PPWD1: variants seen among roughly 807,000 people sequenced by gnomAD.
The protein encoded by PPWD1 is peptidylprolyl isomerase domain and WD repeat-containing protein 1.
In PPWD1, 43 loss-of-function variants were observed where a neutral mutation model predicts 68.8. The observed-to-expected ratio is 0.62, with a 90% CI of 0.49 to 0.81. The LOEUF (loss-of-function observed/expected upper bound fraction) is 0.81. Ranked by LOEUF, PPWD1 falls within the 30% of genes least tolerant of loss-of-function variation. The pLI, the probability that PPWD1 is intolerant of heterozygous loss-of-function variation, is 0.00. For missense variants in PPWD1, 672 were observed against 804.8 expected (o/e 0.83, Z 2.00); for synonymous variants, 232 against 258.7 (o/e 0.90, Z 0.99).
intron 1 of PPWD1, 53 bp downstream of exon 1, chr5:65,563,559 G>A: frequency 6.5e-7 from 1 of 1,550,348 alleles, no homozygotes; most frequent in Admixed American, 2.0e-5. Flanking sequence ...CCGCTGAGTA[G>A]GAGGGTTCAA....
At chr5:65,581,244 C>T (rs919262963) in intron 7 of PPWD1, among the ~76,000 whole-genome samples, 3 of 152,080 alleles carry the variant, frequency 2.0e-5, no homozygotes, top group Admixed American at 6.5e-5. Context: ...AAAAATTAAT[C>T]GTTTTACCTT....
At chr5:65,581,854 T>C (rs964743502) in intron 7 of PPWD1, among the ~76,000 whole-genome samples, 2 of 152,166 alleles carry the variant, frequency 1.3e-5, no homozygotes, top group Non-Finnish European at 2.9e-5. Context: ...ATGGTATGCA[T>C]ATATATGAAT....
intron 2 of PPWD1, chr5:65,569,380 G>A (rs1324505602): frequency 3.3e-6 from 1 of 306,170 alleles, no homozygotes; most frequent in African/African-American, 2.2e-5. Context: ...TTATTTTAAT[G>A]TCAAATTCTA....
In PPWD1 at chr5:65,585,108, A is replaced by C; in HGVS notation, c.1614+13A>C. Reference sequence around the variant, plus strand: ...CCGTATAATTAAGGTAAGTTACATAAATTTCATGTCATATAAGAAATACTG... The same window carrying C: ...CCGTATAATTAAGGTAAGTTACATACATTTCATGTCATATAAGAAATACTG... On this transcript the variant is annotated intron_variant, in intron 9 of 10. Coordinates refer to ENST00000261308, the MANE Select transcript of PPWD1 (RefSeq NM_015342.4). The C allele has an allele frequency of 6.3e-7, 1 of 1,590,276 alleles. No homozygotes were observed. The highest frequency in any genetic ancestry group is 2.2e-5 in the East Asian group (1 of 44,684).
At chr5:65,577,207 T>C (rs1753339405) in intron 6 of PPWD1, 138 bp downstream of exon 6, 1 of 1,342,192 alleles carries the variant, frequency 7.5e-7, no homozygotes, top group African/African-American at 1.5e-5. Context: ...CCAAATGTTT[T>C]GACTGGATTT....
chr5:65,584,950 T>G, intron 8 of PPWD1, 64 bp from the exon 9 acceptor site: 1 of 1,562,122 alleles, frequency 6.4e-7, no homozygotes, highest in Non-Finnish European at 8.7e-7. Flanking sequence ...GAAGCAGAAC[T>G]GCAAAGAAAA....
Position 65,584,887 on chromosome 5 carries a change from A to C in PPWD1, c.1533-127A>C. The C allele has an allele frequency of 5.8e-6, 8 of 1,385,828 alleles. No homozygotes were observed. The Admixed American group carries it at 9.4e-5, about 16-fold the overall frequency. 85.8% of individuals were successfully genotyped at this position (1,385,828 alleles called of 1,614,324 possible). A position where few individuals can be genotyped will look rare whatever the true frequency, so the allele number is the denominator to read the frequency against. On this transcript the variant is annotated intron_variant, in intron 8 of 10. Transcript: ENST00000261308. The stretch of plus-strand genomic sequence containing the variant: ...TGAGATTAGAGATTATGAAAAAAAA[A>C]AACAACTGTCCTTCTGAAACATTCA...
chr5:65,572,405 G>C (rs1000106206), intron 5 of PPWD1, 119 bp downstream of exon 5: 10 of 1,067,406 alleles, frequency 9.4e-6, no homozygotes, highest in Non-Finnish European at 1.3e-5. Flanking sequence ...TTTTTTCTTA[G>C]CACATTAGAG....
At chr5:65,568,835 T>C in intron 2 of PPWD1, 1 of 406,372 alleles carries the variant, frequency 2.5e-6, no homozygotes, top group South Asian at 1.9e-5. Context: ...AAGTTATCAG[T>C]GTGGTAAAAC....
chr5:65,576,175 A>C (rs889951851), intron 5 of PPWD1, among the ~76,000 whole-genome samples: 1 of 116,648 alleles, frequency 8.6e-6, no homozygotes. Context: ...AATGAAATTC[A>C]CCTGTTTTCT....
At chr5:65,575,029 G>T (rs1464958564) in intron 5 of PPWD1, among the ~76,000 whole-genome samples, 3 of 152,172 alleles carry the variant, frequency 2.0e-5, no homozygotes, top group Non-Finnish European at 4.4e-5. Context: ...CGGAATCCTA[G>T]TTTAACAGAA....
At chr5:65,569,560 G>T (rs1752926058) in intron 2 of PPWD1, 72 bp from the exon 3 acceptor site, 1 of 1,445,690 alleles carries the variant, frequency 6.9e-7, no homozygotes, top group Non-Finnish European at 9.3e-7. Context: ...CTTAGTGAAT[G>T]ATTGCTTTGG....
rs780829031 is a variant in PPWD1 at position 65,563,345 on chromosome 5, G to A, written c.35G>A (p.Arg12Lys). 6 of 1,613,932 alleles carry A rather than the reference G, an allele frequency of 3.7e-6. No homozygotes were observed. The highest frequency in any genetic ancestry group is 3.3e-5 in the South Asian group (3 of 91,066). Residue 12 changes from arginine to lysine, a missense_variant, in exon 1 of 11, where the codon AGA becomes AAA. By Grantham distance (26) the Arg-to-Lys change is conservative. This residue lies in a region of PPWD1 where 188 missense variants were observed against 158.6 expected (regional missense o/e 1.19). Coordinates refer to ENST00000261308, the MANE Select transcript of PPWD1 (RefSeq NM_015342.4). ...GAAAGTGGTAGCGATTTTCAGCAGA[G>A]ACGTAGAAGGCGCCGGGACCCGGAG... The part of the protein sequence containing the change: ...AAESGSDFQQ[R>K]RRRRRDPEEP...
intron 7 of PPWD1, among the ~76,000 whole-genome samples, chr5:65,581,093 A>C (rs543643469): frequency 4.6e-5 from 7 of 152,312 alleles, no homozygotes; most frequent in African/African-American, 1.7e-4. Flanking sequence ...TATTAAGGTT[A>C]ACAGCATTTG....
At chr5:65,579,368 C>A in intron 6 of PPWD1, 56 bp from the exon 7 acceptor site, 1 of 1,399,666 alleles carries the variant, frequency 7.1e-7, no homozygotes, top group South Asian at 1.8e-5. Context: ...GTAAAGTTGT[C>A]ATAATTGGAA....
At position 65,579,520 on chromosome 5, in the gene PPWD1, A is replaced by G. The variant is rs1244271644; in HGVS notation, c.1257A>G (p.Ile419Met). 1.2e-6 allele frequency: 2 copies of G among 1,611,680 alleles called. No homozygotes were observed. The highest frequency in any genetic ancestry group is 1.7e-5 in the Admixed American group (1 of 59,566). ...IAKKHRAATT[I>M]EMKASENPVL... is the part of the protein sequence containing the mutation. ...AAAAGCATCGTGCTGCAACTACTAT[A>G]GAAATGAAAGCTTCTGAAAATCCTG... is the stretch of plus-strand genomic sequence containing the variant. The change falls in exon 7 of 11, where the codon ATA becomes ATG. Residue 419 changes from isoleucine (I) to methionine (M), a missense_variant. Physicochemically the swap from Ile to Met is conservative, Grantham distance 10. Coordinates refer to ENST00000261308, the MANE Select transcript of PPWD1 (RefSeq NM_015342.4).
At chr5:65,582,053 C>T (rs1276329034) in intron 7 of PPWD1, among the ~76,000 whole-genome samples, 1 of 152,054 alleles carries the variant, frequency 6.6e-6, no homozygotes, top group Non-Finnish European at 1.5e-5. Context: ...CATGCCATTC[C>T]TTTGAAAACT....
intron 1 of PPWD1, among the ~76,000 whole-genome samples, chr5:65,566,942 T>C (rs929454174): frequency 1.3e-5 from 2 of 152,092 alleles, no homozygotes; most frequent in Non-Finnish European, 2.9e-5. Flanking sequence ...TGGAAAAAAT[T>C]TGAGATACAT....
intron 1 of PPWD1, chr5:65,564,045 A>G: frequency 7.7e-6 from 4 of 522,072 alleles, no homozygotes; most frequent in Non-Finnish European, 1.3e-5. Context: ...GTTTTCATCC[A>G]AAACCCGAAG....
Sources: gnomAD v4.1 joint callset for allele counts (sites outside exome capture counted in the v4.1 genomes callset) on GRCh38, gnomAD v4.1.1 for gene constraint, gnomAD v4.1.1 regional missense constraint, MANE v1.5 for transcripts, NCBI Gene and HGNC (gene_info 2026-07-23, HGNC 2026-07-21) for gene names.